The following MIPOL1 variants were observed in gnomAD, a reference collection of about 807,000 sequenced individuals.
The protein encoded by MIPOL1 is mirror-image polydactyly 1.
A neutral mutation model predicts 60.9 loss-of-function variants in MIPOL1; 57 were observed. The observed-to-expected ratio is 0.94, with a 90% CI of 0.76 to 1.17. The LOEUF (loss-of-function observed/expected upper bound fraction) is 1.17. MIPOL1 is among the 50% of genes most tolerant of loss of function. MIPOL1 has a pLI of 0.00. For missense variants in MIPOL1, 551 were observed against 511.6 expected (o/e 1.08, Z -0.74); for synonymous variants, 179 against 168.8 (o/e 1.06, Z -0.47).
At chr14:37,479,193 T>G (rs1317723494) in intron 11 of MIPOL1, among the ~76,000 whole-genome samples, 1 of 152,026 alleles carries the variant, frequency 6.6e-6, no homozygotes, top group African/African-American at 2.4e-5. Flanking sequence ...TTAGCCCAAA[T>G]GGAGCTAAGA....
Position 37,289,260 on chromosome 14 carries a change from C to T in MIPOL1, c.623+3813C>T, listed in dbSNP as rs185135804. Reference sequence around the variant, plus strand: ...TTTTTGGCCAAATGTGTAGTTATTTCCTCCACACACCAAGCAAGTAATCAG... The same window carrying T: ...TTTTTGGCCAAATGTGTAGTTATTTTCTCCACACACCAAGCAAGTAATCAG... On this transcript the variant is annotated intron_variant, in intron 7 of 12. Transcript: ENST00000684589. Among the ~76,000 whole-genome samples the T allele has an allele frequency of 1.7e-3, 253 of 152,270 alleles. 1 individual carries two copies. Among genetic ancestry groups the T allele is most frequent in the African/African-American group, 5.8e-3 (239 of 41,560 alleles).
At chr14:37,433,616 C>T (rs935999422) in intron 11 of MIPOL1, among the ~76,000 whole-genome samples, 5 of 151,962 alleles carry the variant, frequency 3.3e-5, no homozygotes, top group African/African-American at 1.2e-4. Context: ...AGTGCAGTGG[C>T]GTGATCTCAG....
chr14:37,519,002 A>G (rs1285340340), intron 12 of MIPOL1, among the ~76,000 whole-genome samples: 1 of 152,204 alleles, frequency 6.6e-6, no homozygotes, highest in Non-Finnish European at 1.5e-5. Flanking sequence ...GATGAAGGAT[A>G]AAGCGGAAAC....
intron 3 of MIPOL1, among the ~76,000 whole-genome samples, chr14:37,254,301 G>T (rs900825127): frequency 6.6e-6 from 1 of 151,636 alleles, no homozygotes; most frequent in African/African-American, 2.4e-5. Context: ...GTAGAAAAAT[G>T]GAATGAAAAA....
At chr14:37,483,078 C>CA (rs1161393248) in intron 11 of MIPOL1, among the ~76,000 whole-genome samples, 6 of 148,208 alleles carry the variant, frequency 4.0e-5, no homozygotes, top group Non-Finnish European at 5.9e-5. Flanking sequence ...ATAATCACTA[C>CA]AAAAAAAATC....
intron 11 of MIPOL1, among the ~76,000 whole-genome samples, chr14:37,487,117 G>C (rs1212376992): frequency 6.6e-6 from 1 of 152,058 alleles, no homozygotes; most frequent in African/African-American, 2.4e-5. Context: ...CATTGGTTCT[G>C]TTTATATGAT....
intron 4 of MIPOL1, among the ~76,000 whole-genome samples, chr14:37,268,418 A>G (rs1251210677): frequency 2.0e-5 from 3 of 152,140 alleles, no homozygotes; most frequent in Non-Finnish European, 2.9e-5. Context: ...CAGGAGATGT[A>G]CGTGGTAAAT....
intron 1 of MIPOL1, among the ~76,000 whole-genome samples, chr14:37,222,801 T>C (rs1760263735): frequency 6.6e-6 from 1 of 152,186 alleles, no homozygotes; most frequent in South Asian, 2.1e-4. Flanking sequence ...AATCTAAGCT[T>C]TTTCTAGCCT....
chr14:37,478,492 A>G (rs998650484), intron 11 of MIPOL1, among the ~76,000 whole-genome samples: 6 of 152,202 alleles, frequency 3.9e-5, no homozygotes, highest in Admixed American at 1.3e-4. Flanking sequence ...AAAAAGGAAG[A>G]TAGCAAGAGA....
At chr14:37,366,503 T>C (rs2092475420) in intron 9 of MIPOL1, among the ~76,000 whole-genome samples, 1 of 152,086 alleles carries the variant, frequency 6.6e-6, no homozygotes, top group African/African-American at 2.4e-5. Context: ...TCTATTGTGG[T>C]TAGAGAAGAT....
intron 11 of MIPOL1, among the ~76,000 whole-genome samples, chr14:37,470,663 T>C (rs968075365): frequency 5.1e-4 from 77 of 152,064 alleles, no homozygotes; most frequent in Non-Finnish European, 3.2e-4. Flanking sequence ...GGTAGTTCTT[T>C]ATAGTAACGT....
chr14:37,379,826 A>T (rs1489450662), intron 10 of MIPOL1, among the ~76,000 whole-genome samples: 1 of 152,118 alleles, frequency 6.6e-6, no homozygotes, highest in Admixed American at 6.6e-5. Flanking sequence ...TATAATGTGT[A>T]TGTAATACTG....
chr14:37,412,176 G>T (rs2093691346), intron 10 of MIPOL1, among the ~76,000 whole-genome samples: 1 of 152,144 alleles, frequency 6.6e-6, no homozygotes, highest in Non-Finnish European at 1.5e-5. Flanking sequence ...GTATGTGGAA[G>T]CTCTTTGGAA....
chr14:37,281,657 G>A (rs1461726306), intron 6 of MIPOL1, among the ~76,000 whole-genome samples: 1 of 152,092 alleles, frequency 6.6e-6, no homozygotes, highest in Non-Finnish European at 1.5e-5. Flanking sequence ...CACCCGCCTT[G>A]GCCTCCCAAA....
At chr14:37,292,593 G>T (rs1432999125) in intron 7 of MIPOL1, among the ~76,000 whole-genome samples, 3 of 144,530 alleles carry the variant, frequency 2.1e-5, no homozygotes, top group Non-Finnish European at 3.0e-5. Flanking sequence ...CTATTCTCCT[G>T]CCTCAGCCTC....
chr14:37,343,817 A>C (rs975993654), intron 9 of MIPOL1, among the ~76,000 whole-genome samples: 1 of 152,262 alleles, frequency 6.6e-6, no homozygotes, highest in East Asian at 1.9e-4. Context: ...TTTTCTAAAA[A>C]TTTGTCATGG....
At chr14:37,399,781 G>A (rs2093447003) in intron 10 of MIPOL1, 1 of 152,188 alleles carries the variant, frequency 6.6e-6, no homozygotes, top group South Asian at 2.1e-4. Flanking sequence ...GCAGAAAGCA[G>A]ATAATCTATG....
At chr14:37,523,503 T>TA in intron 12 of MIPOL1, 2 of 425,332 alleles carry the variant, frequency 4.7e-6, no homozygotes, top group Non-Finnish European at 8.3e-6. Context: ...TCATTCCAAA[T>TA]AAAAAAGATG....
At chr14:37,359,689 A>T (rs1272396158) in intron 9 of MIPOL1, among the ~76,000 whole-genome samples, 1 of 152,118 alleles carries the variant, frequency 6.6e-6, no homozygotes, top group Non-Finnish European at 1.5e-5. Flanking sequence ...TATCCTGAGA[A>T]TTTGCCTAAT....
Sources: gnomAD v4.1 joint callset for allele counts (sites outside exome capture counted in the v4.1 genomes callset) on GRCh38, gnomAD v4.1.1 for gene constraint, MANE v1.5 for transcripts, NCBI Gene and HGNC (gene_info 2026-07-23, HGNC 2026-07-21) for gene names.